The following GEN1 variants were observed in gnomAD, a reference collection of about 807,000 sequenced individuals.
GEN1 encodes the protein GEN1 structure-specific endonuclease.
In GEN1, 64 loss-of-function variants were observed where a neutral mutation model predicts 67.6. The ratio of observed to expected loss-of-function variants is 0.95; its 90% confidence interval spans 0.77 to 1.17. The LOEUF (loss-of-function observed/expected upper bound fraction) is 1.17. Among genes scored for constraint, GEN1 ranks in the 50% most tolerant of loss-of-function variants. The probability of loss-of-function intolerance (pLI) is 0.00; values close to 1 mark genes in which losing one functional copy is unlikely to be tolerated. For missense variants in GEN1, 1,058 were observed against 1,048.3 expected, an observed-to-expected ratio of 1.01 and a Z score of -0.13; for synonymous variants, 371 against 359.4, an observed-to-expected ratio of 1.03 and a Z score of -0.37.
In GEN1 at chr2:17,784,830, G is replaced by T. The variant is rs1673001022; in HGVS notation, c.*2891G>T. ...AGGCATTCTTGAGATTGTATGAGAT[G>T]AAAATAACAAAATTAGTTGGGAGTG... On this transcript the variant is annotated 3_prime_UTR_variant, in exon 14 of 14. Coordinates refer to ENST00000381254, the MANE Select transcript of GEN1 (RefSeq NM_001130009.3). The T allele has an allele frequency of 6.6e-6, 1 of 152,208 alleles. No individual in the cohort carries two copies. Among genetic ancestry groups the T allele is most frequent in the Non-Finnish European group, 1.5e-5 (1 of 68,064 alleles). 9.4% of individuals were successfully genotyped at this position (152,208 alleles called of 1,614,324 possible).
intron 12 of GEN1, among the ~76,000 whole-genome samples, chr2:17,779,041 G>C (rs902099630): frequency 5.9e-5 from 9 of 152,144 alleles, no homozygotes; most frequent in African/African-American, 2.2e-4. Flanking sequence ...TCCTGCCTCA[G>C]CCTCCCAAGT....
chr2:17,776,899 C>G (rs796734898), intron 11 of GEN1, among the ~76,000 whole-genome samples: 1 of 152,082 alleles, frequency 6.6e-6, no homozygotes, highest in African/African-American at 2.4e-5. Context: ...CCAAAGCAGG[C>G]GGATCAGTTG....
In GEN1 at chr2:17,788,276, A is replaced by G. The variant is rs1673119779; in HGVS notation, c.*6337A>G. The G allele has an allele frequency of 6.6e-6, 1 of 152,264 alleles. No individual in the cohort carries two copies. Among genetic ancestry groups the G allele is most frequent in the Admixed American group, 6.5e-5 (1 of 15,288 alleles). The allele number at this position is 152,264 out of a possible 1,614,324, so 9.4% of individuals were successfully genotyped here. ...TTATCAGGCTCAGCTAACAGCTTGC[A>G]TTAGCCTCTTTCAGGAACTTGCCAC... On this transcript the variant is annotated 3_prime_UTR_variant, in exon 14 of 14. Transcript: ENST00000381254.
At position 17,788,898 on chromosome 2, in the gene GEN1, G is replaced by A. The variant is rs1161417162; in HGVS notation, c.*6959G>A. The A allele has an allele frequency of 6.6e-6, 1 of 152,174 alleles. No homozygotes were observed. Among genetic ancestry groups the A allele is most frequent in the Non-Finnish European group, 1.5e-5 (1 of 68,044 alleles). The allele number at this position is 152,174 out of a possible 1,614,324, so 9.4% of individuals were successfully genotyped here. ...CAGTAACTGCTCTGATGTAATTATT[G>A]CTAACATTTACGTTTTTATTAAACT... On this transcript the variant is annotated 3_prime_UTR_variant, in exon 14 of 14. Coordinates refer to ENST00000381254, the MANE Select transcript of GEN1 (RefSeq NM_001130009.3).
chr2:17,771,168 T>C, intron 6 of GEN1, 28 bp from the exon 7 acceptor site: 1 of 1,469,862 alleles, frequency 6.8e-7, no homozygotes, highest in Non-Finnish European at 9.5e-7. Context: ...TTTTTTTTCC[T>C]TTTTTTAAAA....
At chr2:17,765,137 AAAT>A in intron 4 of GEN1, 64 bp downstream of exon 4, 1 of 1,474,476 alleles carries the variant, frequency 6.8e-7, no homozygotes, top group South Asian at 1.2e-5. Flanking sequence ...AGGGCTGATT[AAAT>A]GAAATAGTAG....
At chr2:17,774,219 A>G (rs934104188) in intron 10 of GEN1, 52 bp from the exon 11 acceptor site, 43 of 1,065,916 alleles carry the variant, frequency 4.0e-5, no homozygotes, top group Middle Eastern at 3.2e-4. Flanking sequence ...TAGGAGTGCT[A>G]TTTGTCTCCA....
At chr2:17,766,355 A>C (rs113131534) in intron 4 of GEN1, among the ~76,000 whole-genome samples, 3 of 152,098 alleles carry the variant, frequency 2.0e-5, no homozygotes, top group Admixed American at 2.0e-4. Flanking sequence ...TTTTTAGTAG[A>C]GATGGGGTTT....
chr2:17,772,970 A>G (rs1672263592), intron 8 of GEN1, 126 bp from the exon 9 acceptor site: 1 of 812,842 alleles, frequency 1.2e-6, no homozygotes, highest in African/African-American at 1.7e-5. Context: ...ATTCAAAGGG[A>G]AGCTTGACTG....
At chr2:17,767,200 A>G (rs909825448) in intron 5 of GEN1, among the ~76,000 whole-genome samples, 1 of 152,196 alleles carries the variant, frequency 6.6e-6, no homozygotes. Context: ...AAGATGCACA[A>G]TCTAGTGCTC....
intron 7 of GEN1, among the ~76,000 whole-genome samples, 155 bp downstream of exon 7, chr2:17,771,442 A>G (rs1369816227): frequency 1.3e-5 from 2 of 152,194 alleles, no homozygotes; most frequent in Admixed American, 1.3e-4. Context: ...CAGTTTTGTT[A>G]TATACACATA....
chr2:17,780,604 A>G lies in GEN1; in HGVS notation c.1409-17A>G. ...AAGAAAATAAATGTTGATTATATGTATTTTTTTTCTTTTCAGGTATTAAGC... is the reference window on the plus strand; with the variant it reads ...AAGAAAATAAATGTTGATTATATGTGTTTTTTTTCTTTTCAGGTATTAAGC... On this transcript the variant is annotated splice_polypyrimidine_tract_variant and intron_variant, in intron 13 of 13. Transcript: ENST00000381254. 6.9e-7 allele frequency: 1 copy of G among 1,444,132 alleles called. No homozygotes were observed. The highest frequency in any genetic ancestry group is 9.4e-7 in the Non-Finnish European group (1 of 1,065,844). The allele number at this position is 1,444,132 out of a possible 1,614,324, so 89.5% of individuals were successfully genotyped here.
intron 12 of GEN1, among the ~76,000 whole-genome samples, 169 bp downstream of exon 12, chr2:17,778,232 A>ATG (rs1203678250): frequency 3.6e-5 from 5 of 140,008 alleles, no homozygotes; most frequent in African/African-American, 1.4e-4. Context: ...ACACACATAT[A>ATG]TGTGTGTACA....
At chr2:17,764,310 G>C (rs937046444) in intron 3 of GEN1, among the ~76,000 whole-genome samples, 2 of 152,186 alleles carry the variant, frequency 1.3e-5, no homozygotes, top group East Asian at 3.8e-4. Context: ...ATCTTCTTTG[G>C]AAGTACGCGT....
rs781275971 is a variant in GEN1, at chr2:17,781,615, C to T, written c.2403C>T (p.Ser801=). ...MKKSVCLDRH[S]SDEQSAPVFG... ...AGAGTGTTTGCCTTGACAGACATTC[C>T]TCTGATGAACAAAGTGCCCCAGTGT... is the stretch of plus-strand genomic sequence containing the variant. Residue 801 remains serine (S), a synonymous_variant, in exon 14 of 14, where the codon TCC becomes TCT. Transcript: ENST00000381254. 2 of 1,613,872 alleles carry T rather than the reference C, an allele frequency of 1.2e-6. No individual in the cohort carries two copies. The highest frequency in any genetic ancestry group is 1.7e-6 in the Non-Finnish European group (2 of 1,179,950).
In GEN1 at chr2:17,760,067, A is replaced by G. The variant is rs1671602289; in HGVS notation, c.124A>G (p.Lys42Glu). Residue 42 changes from lysine to glutamate, a missense_variant, in exon 2 of 14, where the codon AAA becomes GAA. Transcript: ENST00000381254. Reference protein sequence around the residue: ...SLWVCEAQTVKKMMGSVMKPH... With the variant: ...SLWVCEAQTVEKMMGSVMKPH... The stretch of plus-strand genomic sequence containing the variant: ...CTGGGTGTGTGAGGCACAGACAGTC[A>G]AAAAAATGATGGGCAGCGTCATGAA... 1 of 1,612,962 alleles carries G rather than the reference A, an allele frequency of 6.2e-7. No individual in the cohort carries two copies. The highest frequency in any genetic ancestry group is 1.1e-5 in the South Asian group (1 of 90,952).
rs1414682647 is a variant in GEN1 at position 17,787,372 on chromosome 2, C to T, written c.*5433C>T. The T allele has an allele frequency of 1.3e-5, 2 of 152,172 alleles. No homozygotes were observed. Among genetic ancestry groups the T allele is most frequent in the Non-Finnish European group, 2.9e-5 (2 of 68,040 alleles). The allele number at this position is 152,172 out of a possible 1,614,324, so 9.4% of individuals were successfully genotyped here. A position where few individuals can be genotyped will look rare whatever the true frequency, so the allele number is the denominator to read the frequency against. ...CAAGTCTTATTTCTGTTCACTTCCC[C>T]CAGATGCCTACACAGGGTTTGACTC... On this transcript the variant is annotated 3_prime_UTR_variant, in exon 14 of 14. Coordinates refer to ENST00000381254, the MANE Select transcript of GEN1 (RefSeq NM_001130009.3).
intron 1 of GEN1, among the ~76,000 whole-genome samples, chr2:17,759,695 A>G (rs1671585204): frequency 2.6e-5 from 4 of 152,132 alleles, no homozygotes. Flanking sequence ...GCATCCTTGC[A>G]TTCGCTACCG....
At chr2:17,764,803 C>A in intron 3 of GEN1, 94 bp from the exon 4 acceptor site, 2 of 1,133,466 alleles carry the variant, frequency 1.8e-6, no homozygotes, top group Non-Finnish European at 2.5e-6. Flanking sequence ...AAAATAGCTA[C>A]TATTAATATT....
Sources: gnomAD v4.1 joint callset for allele counts (sites outside exome capture counted in the v4.1 genomes callset) on GRCh38, gnomAD v4.1.1 for gene constraint, MANE v1.5 for transcripts, NCBI Gene and HGNC (gene_info 2026-07-23, HGNC 2026-07-21) for gene names.